SCFD2: variants seen among roughly 807,000 people sequenced by gnomAD.
The protein encoded by SCFD2 is sec1 family domain-containing protein 2.
A neutral mutation model predicts 58.9 loss-of-function variants in SCFD2; 54 were observed. The observed-to-expected ratio is 0.92, with a 90% confidence interval of 0.74 to 1.15. The LOEUF (loss-of-function observed/expected upper bound fraction) is 1.15. SCFD2 is among the 50% of genes most tolerant of loss of function. SCFD2 has a pLI of 0.00. For missense variants in SCFD2, 805 were observed against 836.6 expected (o/e 0.96, Z 0.47); for synonymous variants, 321 against 335.9 (o/e 0.96, Z 0.49).
At chr4:53,182,905 C>T (rs1378827932) in intron 4 of SCFD2, among the ~76,000 whole-genome samples, 1 of 152,084 alleles carries the variant, frequency 6.6e-6, no homozygotes, top group African/African-American at 2.4e-5. Context: ...TGAAAAAATG[C>T]TCATCACCAC....
At chr4:52,918,144 T>C (rs1464549254) in intron 6 of SCFD2, among the ~76,000 whole-genome samples, 3 of 126,248 alleles carry the variant, frequency 2.4e-5, no homozygotes, top group Admixed American at 1.9e-4. Flanking sequence ...GTAGAAAGCA[T>C]AGATTTCTTC....
intron 6 of SCFD2, among the ~76,000 whole-genome samples, chr4:52,909,260 G>GT (rs1312747978): frequency 6.6e-6 from 1 of 152,176 alleles, no homozygotes; most frequent in Non-Finnish European, 1.5e-5. Context: ...GCTGTTTATT[G>GT]TTTGTAGTAC....
chr4:53,302,140 T>A (rs550315757), intron 3 of SCFD2, among the ~76,000 whole-genome samples: 1 of 152,194 alleles, frequency 6.6e-6, no homozygotes, highest in South Asian at 2.1e-4. Flanking sequence ...GGCATTCAAT[T>A]AGGAAAAGAG....
chr4:53,148,003 A>G (rs1194263156), intron 4 of SCFD2, among the ~76,000 whole-genome samples: 1 of 152,110 alleles, frequency 6.6e-6, no homozygotes, highest in African/African-American at 2.4e-5. Flanking sequence ...AAAGGTCATG[A>G]AGGCTGCAGC....
chr4:52,961,932 G>T (rs1720861433), intron 5 of SCFD2, among the ~76,000 whole-genome samples: 1 of 152,196 alleles, frequency 6.6e-6, no homozygotes, highest in South Asian at 2.1e-4. Context: ...GATAGGAATG[G>T]AAAAGGGAGG....
At chr4:53,057,873 C>T (rs1723392536) in intron 5 of SCFD2, among the ~76,000 whole-genome samples, 1 of 152,038 alleles carries the variant, frequency 6.6e-6, no homozygotes, top group African/African-American at 2.4e-5. Context: ...ACGTTACCAA[C>T]ACCAGCATCT....
intron 2 of SCFD2, among the ~76,000 whole-genome samples, chr4:53,316,560 G>A (rs1358630196): frequency 6.6e-6 from 1 of 152,104 alleles, no homozygotes; most frequent in African/African-American, 2.4e-5. Context: ...GTTATAAGTG[G>A]TATTGTCTTA....
In SCFD2 at chr4:53,271,706, G is replaced by A. The variant is rs566373377; in HGVS notation, c.1311+2120C>T. Among the ~76,000 whole-genome samples the A allele has an allele frequency of 1.1e-4, 17 of 151,910 alleles. No homozygotes were observed. In the East Asian group the frequency reaches 1.2e-3, roughly 10 times the overall value. Reference sequence around the variant, plus strand: ...TCCAACTCCTAACCTCAAGTGATCCGCCCACCTCGGCCTCCCAAAGTGCTG... The same window carrying A: ...TCCAACTCCTAACCTCAAGTGATCCACCCACCTCGGCCTCCCAAAGTGCTG... On this transcript the variant is annotated intron_variant, in intron 4 of 8. Transcript: ENST00000401642.
intron 5 of SCFD2, among the ~76,000 whole-genome samples, chr4:53,001,556 AAAAC>A (rs1721866427): frequency 6.6e-6 from 1 of 152,260 alleles, no homozygotes; most frequent in Non-Finnish European, 1.5e-5. Flanking sequence ...TTAATAAACT[AAAAC>A]AAACTAGTTT....
chr4:53,298,025 A>C (rs1274273501), intron 3 of SCFD2, among the ~76,000 whole-genome samples: 2 of 152,214 alleles, frequency 1.3e-5, no homozygotes, highest in Non-Finnish European at 2.9e-5. Flanking sequence ...TGAACGACAC[A>C]GAAGACGGGT....
At chr4:53,015,646 G>C (rs1722194932) in intron 5 of SCFD2, among the ~76,000 whole-genome samples, 1 of 152,044 alleles carries the variant, frequency 6.6e-6, no homozygotes, top group African/African-American at 2.4e-5. Flanking sequence ...TTCCAAGTTG[G>C]TAACACATAT....
At chr4:52,892,987 C>T (rs1398637848) in intron 7 of SCFD2, among the ~76,000 whole-genome samples, 2 of 152,220 alleles carry the variant, frequency 1.3e-5, no homozygotes, top group Non-Finnish European at 2.9e-5. Flanking sequence ...TATGCAAATA[C>T]TGAACCCTAT....
intron 4 of SCFD2, among the ~76,000 whole-genome samples, chr4:53,239,851 C>T (rs1340434764): frequency 2.6e-5 from 4 of 152,144 alleles, no homozygotes; most frequent in Non-Finnish European, 5.9e-5. Flanking sequence ...CATTCTCGAG[C>T]TATCAGCAAT....
intron 2 of SCFD2, among the ~76,000 whole-genome samples, chr4:53,346,545 A>G (rs1250841326): frequency 6.6e-6 from 1 of 152,084 alleles, no homozygotes; most frequent in Non-Finnish European, 1.5e-5. Flanking sequence ...AAGCGCTGGG[A>G]TTACAGGCAT....
chr4:53,140,564 A>G (rs977449950), intron 5 of SCFD2, among the ~76,000 whole-genome samples: 3 of 151,926 alleles, frequency 2.0e-5, no homozygotes, highest in Non-Finnish European at 4.4e-5. Context: ...GAAACTAAAG[A>G]GGATGCATTC....
At chr4:52,914,837 C>G (rs1399916190) in intron 6 of SCFD2, among the ~76,000 whole-genome samples, 1 of 152,046 alleles carries the variant, frequency 6.6e-6, no homozygotes, top group Non-Finnish European at 1.5e-5. Context: ...AAGGTCATAT[C>G]GTGGCCCTGT....
At chr4:52,967,829 G>A (rs1304723283) in intron 5 of SCFD2, among the ~76,000 whole-genome samples, 5 of 152,264 alleles carry the variant, frequency 3.3e-5, no homozygotes, top group Non-Finnish European at 5.9e-5. Flanking sequence ...TGTGTCTCAT[G>A]CCCTGCTCTG....
At chr4:53,325,614 G>A (rs1733168074) in intron 2 of SCFD2, among the ~76,000 whole-genome samples, 1 of 152,142 alleles carries the variant, frequency 6.6e-6, no homozygotes, top group African/African-American at 2.4e-5. Context: ...ACTGATAGCA[G>A]CTTTCTACAA....
intron 4 of SCFD2, among the ~76,000 whole-genome samples, chr4:53,258,502 T>G (rs193138305): frequency 6.7e-6 from 1 of 149,566 alleles, no homozygotes; most frequent in Non-Finnish European, 1.5e-5. Flanking sequence ...TTATTTTGTT[T>G]CTTTTTATGG....
Sources: gnomAD v4.1 joint callset for allele counts (sites outside exome capture counted in the v4.1 genomes callset) on GRCh38, gnomAD v4.1.1 for gene constraint, MANE v1.5 for transcripts, NCBI Gene and HGNC (gene_info 2026-07-23, HGNC 2026-07-21) for gene names.